DROSHA: variants seen among roughly 807,000 people sequenced by gnomAD.
DROSHA encodes the protein ribonuclease 3.
A neutral mutation model predicts 181.9 loss-of-function variants in DROSHA; 56 were observed. The observed-to-expected ratio is 0.31, with a 90% confidence interval of 0.25 to 0.38. DROSHA has a LOEUF of 0.38. DROSHA is among the 10% of genes least tolerant of loss of function. The pLI is 1.00. For synonymous variants in DROSHA, 524 were observed against 591.2 expected (o/e 0.89, Z 1.65); for missense variants, 1,218 against 1,743.5 (o/e 0.70, Z 5.37).
chr5:31,529,893 C>T (rs574817793), intron 3 of DROSHA, among the ~76,000 whole-genome samples: 1 of 152,232 alleles, frequency 6.6e-6, no homozygotes, highest in East Asian at 1.9e-4. Context: ...CACATAAAAA[C>T]ACTGTAAACA....
At chr5:31,515,258 C>T in intron 7 of DROSHA, 39 bp from the exon 8 acceptor site, 1 of 1,569,718 alleles carries the variant, frequency 6.4e-7, no homozygotes, top group Admixed American at 2.0e-5. Context: ...ATTAAAAATA[C>T]TCTTCCACTG....
chr5:31,490,883 G>T (rs557432500), intron 13 of DROSHA, among the ~76,000 whole-genome samples: 8 of 152,144 alleles, frequency 5.3e-5, no homozygotes, highest in African/African-American at 1.7e-4. Context: ...ATAGAATAAA[G>T]TTCTCACCGA....
chr5:31,521,259 C>CAA, intron 5 of DROSHA, 44 bp from the exon 6 acceptor site: 1 of 1,589,652 alleles, frequency 6.3e-7, no homozygotes, highest in Non-Finnish European at 8.6e-7. Context: ...CAGAAAGACT[C>CAA]AAAAACACCA....
At position 31,526,220 on chromosome 5, in the gene DROSHA, T is replaced by G; in HGVS notation, c.713A>C (p.His238Pro). The part of the protein sequence containing the change: ...YDDHRHRDHS[H>P]GRGERHRSLD... Reference sequence around the variant, plus strand: ...GGACCGATGCCTCTCACCTCGCCCATGACTGTGATCTCGGTGCCTGTGGTC... The same window carrying G: ...GGACCGATGCCTCTCACCTCGCCCAGGACTGTGATCTCGGTGCCTGTGGTC... The change falls in exon 5 of 36, where the codon CAT becomes CCT. Residue 238 changes from histidine to proline, a missense_variant. Around this residue, in one of 8 missense-constraint regions of DROSHA, gnomAD observed 536 missense variants for 535.4 expected, o/e 1.00. Coordinates refer to ENST00000344624, the MANE Select transcript of DROSHA (RefSeq NM_001382508.1). The G allele has an allele frequency of 6.2e-7, 1 of 1,613,926 alleles. No individual in the cohort carries two copies. Among genetic ancestry groups the G allele is most frequent in the Non-Finnish European group, 8.5e-7 (1 of 1,179,868 alleles).
intron 13 of DROSHA, among the ~76,000 whole-genome samples, chr5:31,489,859 T>G (rs796887397): frequency 6.7e-6 from 1 of 148,570 alleles, no homozygotes; most frequent in South Asian, 2.1e-4. Context: ...GTGTAACTCA[T>G]ACATATACCT....
intron 16 of DROSHA, among the ~76,000 whole-genome samples, chr5:31,474,680 C>G (rs753863322): frequency 6.6e-6 from 1 of 152,052 alleles, no homozygotes; most frequent in Non-Finnish European, 1.5e-5. Flanking sequence ...AAAATCTTAA[C>G]CCCCAGTATG....
chr5:31,448,715 G>T, intron 22 of DROSHA, 108 bp from the exon 23 acceptor site: 3 of 796,928 alleles, frequency 3.8e-6, no homozygotes, highest in Non-Finnish European at 6.1e-6. Flanking sequence ...ATTTTAAAAG[G>T]TTTGGAATCT....
intron 5 of DROSHA, among the ~76,000 whole-genome samples, chr5:31,525,503 CA>C (rs397970711): frequency 0.21 from 7,807 of 36,368 alleles, 44 homozygotes; most frequent in Non-Finnish European, 0.24. Context: ...GATTCTGTCA[CA>C]AAAAAAAAAA....
intron 11 of DROSHA, among the ~76,000 whole-genome samples, chr5:31,495,581 G>A (rs1752889989): frequency 6.6e-6 from 1 of 152,198 alleles, no homozygotes; most frequent in East Asian, 1.9e-4. Flanking sequence ...GCTTCCTCAG[G>A]TGCTGGTGAA....
intron 34 of DROSHA, 44 bp from the exon 35 acceptor site, chr5:31,405,767 C>CT (rs67380927): frequency 0.14 from 62,949 of 461,434 alleles, 3,803 homozygotes; most frequent in Admixed American, 0.15. Flanking sequence ...TTTCAAGATT[C>CT]TTTTTTTTTT....
At chr5:31,523,914 G>C (rs1393409256) in intron 5 of DROSHA, among the ~76,000 whole-genome samples, 1 of 145,698 alleles carries the variant, frequency 6.9e-6, no homozygotes, top group African/African-American at 2.6e-5. Context: ...GGCAGAGGTT[G>C]CAGTGAGCCG....
At chr5:31,508,514 A>G in intron 10 of DROSHA, 107 bp downstream of exon 10, 1 of 1,506,120 alleles carries the variant, frequency 6.6e-7, no homozygotes, top group Non-Finnish European at 9.1e-7. Flanking sequence ...AAACCCTGAC[A>G]GTAAAATTCA....
intron 6 of DROSHA, among the ~76,000 whole-genome samples, chr5:31,516,514 G>A (rs904308375): frequency 6.6e-6 from 1 of 152,174 alleles, no homozygotes; most frequent in Non-Finnish European, 1.5e-5. Flanking sequence ...ATATATATGT[G>A]TGTAGGTATG....
chr5:31,404,496 A>G (rs138418620), intron 35 of DROSHA, among the ~76,000 whole-genome samples: 2 of 152,208 alleles, frequency 1.3e-5, no homozygotes, highest in African/African-American at 2.4e-5. Context: ...AATCTCTCCC[A>G]TGCCTGAGGA....
chr5:31,479,849 T>C (rs546905311), intron 16 of DROSHA, among the ~76,000 whole-genome samples: 3 of 152,168 alleles, frequency 2.0e-5, no homozygotes, highest in Admixed American at 6.5e-5. Flanking sequence ...GTTACATATA[T>C]ACCATACCAG....
chr5:31,425,772 G>T (rs1743388555), intron 27 of DROSHA, among the ~76,000 whole-genome samples: 1 of 152,010 alleles, frequency 6.6e-6, no homozygotes, highest in Non-Finnish European at 1.5e-5. Context: ...ACAGAAGACG[G>T]CAGGCTTAGG....
At chr5:31,481,338 C>T (rs1169000370) in intron 16 of DROSHA, among the ~76,000 whole-genome samples, 1 of 152,196 alleles carries the variant, frequency 6.6e-6, no homozygotes, top group Non-Finnish European at 1.5e-5. Context: ...GTTATCCCCA[C>T]ATAGTTACGT....
intron 13 of DROSHA, among the ~76,000 whole-genome samples, chr5:31,490,758 G>A (rs1462429981): frequency 6.6e-6 from 1 of 152,126 alleles, no homozygotes. Flanking sequence ...TTTTCCTTAG[G>A]AGGCTATTTC....
intron 20 of DROSHA, among the ~76,000 whole-genome samples, chr5:31,459,354 T>C (rs1203836173): frequency 2.6e-5 from 4 of 151,038 alleles, no homozygotes; most frequent in Non-Finnish European, 2.9e-5. Flanking sequence ...TGCACTATTA[T>C]TGCACCTGCA....
Sources: allele counts gnomAD v4.1 joint callset (sites outside exome capture counted in the v4.1 genomes callset), GRCh38; gene constraint gnomAD v4.1.1; regional missense constraint gnomAD v4.1.1; transcripts MANE v1.5; gene names NCBI Gene and HGNC (gene_info 2026-07-23, HGNC 2026-07-21).